GUCY2D: variants seen among roughly 807,000 people sequenced by gnomAD.
The protein encoded by GUCY2D is guanylate cyclase 2D, retinal.
GUCY2D carries 70 observed loss-of-function variants against 101.3 expected under a neutral mutation model. The observed-to-expected ratio is 0.69, with a 90% confidence interval of 0.57 to 0.84. The LOEUF is 0.84. Among genes scored for constraint, GUCY2D ranks in the 40% least tolerant of loss-of-function variants. GUCY2D has a pLI of 0.00. For missense variants in GUCY2D, 1,460 were observed against 1,542.5 expected (o/e 0.95, Z 0.90); for synonymous variants, 688 against 670.7 (o/e 1.03, Z -0.40).
Position 8,013,684 on chromosome 17 carries a change from G to A in GUCY2D, c.2264-196G>A, listed in dbSNP as rs542922281. On this transcript the variant is annotated intron_variant, in intron 11 of 19. Coordinates refer to ENST00000254854, the MANE Select transcript of GUCY2D (RefSeq NM_000180.4). This position sits in a 1 kb window ranked among gnomAD's most constrained non-coding sequence, Gnocchi z 5.0. ...CACCTCTTACTGACCCCCAGAGTTC[G>A]AGGTCCTCTTGTTCCTCCTAGCAAC... 519 of 611,954 alleles carry A rather than the reference G, an allele frequency of 8.5e-4. 8 individuals carry two copies. The South Asian group carries it at 9.3e-3, about 11-fold the overall frequency. 37.9% of individuals were successfully genotyped at this position (611,954 alleles called of 1,614,324 possible). A position where few individuals can be genotyped will look rare whatever the true frequency, so the allele number is the denominator to read the frequency against.
rs200700723 is a variant in GUCY2D at position 8,012,524 on chromosome 17, A to G, written c.2031A>G (p.Arg677=). 318 of 1,613,780 alleles carry G rather than the reference A, an allele frequency of 2.0e-4. No individual in the cohort carries two copies. Among genetic ancestry groups the G allele is most frequent in the Non-Finnish European group, 2.6e-4 (301 of 1,179,820 alleles). Residue 677 remains arginine (R), a synonymous_variant, in exon 10 of 20, where the codon AGA becomes AGG. Transcript: ENST00000254854. The part of the protein sequence containing the change: ...LKSRNCIVDG[R]FVLKITDHGH... ...CACGGAACTGCATAGTGGATGGCAG[A>G]TTCGTACTCAAGATCACTGACCACG...
At chr17:8,019,849 C>A (rs1252702276) in intron 19 of GUCY2D, among the ~76,000 whole-genome samples, 1 of 152,206 alleles carries the variant, frequency 6.6e-6, no homozygotes, top group Non-Finnish European at 1.5e-5. Flanking sequence ...GCCTGGGCAA[C>A]TCCCAGCGCA....
rs558182614 is a variant in GUCY2D, at chr17:8,003,980, G to T, written c.850G>T (p.Ala284Ser). ...VFLPFDTIHYALSPGPEALAA... is the reference protein window; with the variant it reads ...VFLPFDTIHYSLSPGPEALAA... ...CCTGCCCTTCGACACGATCCACTAC[G>T]CCTTGTCCCCAGGCCCGGAGGCCTT... The change falls in exon 3 of 20, where the codon GCC (alanine) becomes TCC (serine). Residue 284 changes from alanine to serine, a missense_variant. Around this residue, in one of 3 missense-constraint regions of GUCY2D, gnomAD observed 1,196 missense variants for 1,229.6 expected, o/e 0.97. Transcript: ENST00000254854. 1.2e-6 allele frequency: 2 copies of T among 1,613,666 alleles called. No individual in the cohort carries two copies. Among genetic ancestry groups the T allele is most frequent in the Non-Finnish European group, 8.5e-7 (1 of 1,179,922 alleles).
At chr17:8,005,860 GAGA>G (rs1276728427) in intron 3 of GUCY2D, among the ~76,000 whole-genome samples, 1 of 152,208 alleles carries the variant, frequency 6.6e-6, no homozygotes, top group Non-Finnish European at 1.5e-5. Flanking sequence ...GGTAACAATA[GAGA>G]AGGTTTTTTG....
chr17:8,006,641 C>T lies in GUCY2D; in HGVS notation c.1305C>T (p.His435=), dbSNP rs770719238. 6.2e-7 allele frequency: 1 copy of T among 1,612,868 alleles called. No individual in the cohort carries two copies. Among genetic ancestry groups the T allele is most frequent in the South Asian group, 1.1e-5 (1 of 90,774 alleles). ...GSFLSAGTRM[H]FPRGGSAPGP... ...TCCTCTCCGCCGGTACCCGGATGCA[C>T]TTCCCGCGTGGGGGATCAGCACCCG... Residue 435 remains histidine (H), a synonymous_variant, in exon 4 of 20, where the codon CAC becomes CAT. Transcript: ENST00000254854.
intron 5 of GUCY2D, 74 bp downstream of exon 5, chr17:8,007,218 T>TGG: frequency 1.7e-6 from 2 of 1,202,274 alleles, no homozygotes; most frequent in Non-Finnish European, 2.5e-6. Context: ...AACAGCAGGC[T>TGG]GGGTTCACTC....
Position 8,015,946 on chromosome 17 carries a change from C to T in GUCY2D, c.3063C>T (p.Asn1021=). 6.2e-7 allele frequency: 1 copy of T among 1,612,012 alleles called. No individual in the cohort carries two copies. Among genetic ancestry groups the T allele is most frequent in the Non-Finnish European group, 8.5e-7 (1 of 1,179,260 alleles). ...STGLPYRIHV[N]LSTVGILRAL... is the part of the protein sequence containing the mutation. The stretch of plus-strand genomic sequence containing the variant: ...CCACAGCTTACCGCATCCACGTGAA[C>T]TTGAGCACTGTGGGGATTCTCCGTG... The change falls in exon 17 of 20, where the codon AAC becomes AAT. Residue 1021 remains asparagine (N), a synonymous_variant. Coordinates refer to ENST00000254854, the MANE Select transcript of GUCY2D (RefSeq NM_000180.4).
chr17:8,016,176 A>G (rs1975969588), intron 17 of GUCY2D, 29 bp from the exon 18 acceptor site: 1 of 1,492,932 alleles, frequency 6.7e-7, no homozygotes, highest in Non-Finnish European at 9.2e-7. Flanking sequence ...CAGTCCGCCT[A>G]AGTCCTTCCC....
Position 8,015,506 on chromosome 17 carries a change from A to G in GUCY2D, c.2944+4A>G. ...ATCCGCATAGGCCTGCACTCGGGTA[A>G]CTCCCGGGTCTTCCCAGGCTCCAGC... On this transcript the variant is annotated splice_donor_region_variant and intron_variant, in intron 15 of 19. Coordinates refer to ENST00000254854, the MANE Select transcript of GUCY2D (RefSeq NM_000180.4). 6.2e-7 allele frequency: 1 copy of G among 1,609,118 alleles called. No individual in the cohort carries two copies. The highest frequency in any genetic ancestry group is 8.5e-7 in the Non-Finnish European group (1 of 1,178,236).
chr17:8,010,883 G>A (rs1455752271), intron 8 of GUCY2D, among the ~76,000 whole-genome samples: 1 of 151,964 alleles, frequency 6.6e-6, no homozygotes, highest in East Asian at 1.9e-4. Context: ...GCTAGAAAGG[G>A]CACCAGTCAG....
chr17:8,003,078 C>A lies in GUCY2D; in HGVS notation c.31C>A (p.Leu11Ile). Reference protein sequence around the residue: MTACARRAGGLPDPGLCGPAW... With the variant: MTACARRAGGIPDPGLCGPAW... ...CGCCTGCGCCCGCCGAGCGGGTGGG[C>A]TTCCGGACCCCGGGCTCTGCGGTCC... is the stretch of plus-strand genomic sequence containing the variant. Residue 11 changes from leucine to isoleucine, a missense_variant, in exon 2 of 20, where the codon CTT (leucine) becomes ATT (isoleucine). Physicochemically the swap from Leu to Ile is conservative, Grantham distance 5. This residue lies in a region of GUCY2D where 1,196 missense variants were observed against 1,229.6 expected (regional missense o/e 0.97). Coordinates refer to ENST00000254854, the MANE Select transcript of GUCY2D (RefSeq NM_000180.4). 2 of 1,526,176 alleles carry A rather than the reference C, an allele frequency of 1.3e-6. No individual in the cohort carries two copies. Among genetic ancestry groups the A allele is most frequent in the Non-Finnish European group, 1.7e-6 (2 of 1,143,158 alleles). 94.5% of individuals were successfully genotyped at this position (1,526,176 alleles called of 1,614,324 possible).
At chr17:8,004,907 A>G (rs9914686) in intron 3 of GUCY2D, among the ~76,000 whole-genome samples, 7,156 of 152,148 alleles carry the variant, frequency 0.047, 517 homozygotes, top group African/African-American at 0.15. Flanking sequence ...GAGGTGTCCA[A>G]TGGAGGGGGG....
At chr17:8,010,633 C>T (rs926065305) in intron 8 of GUCY2D, among the ~76,000 whole-genome samples, 1 of 151,674 alleles carries the variant, frequency 6.6e-6, no homozygotes, top group African/African-American at 2.4e-5. Flanking sequence ...GGTGAAACCC[C>T]GTCTCTACTA....
At chr17:8,006,259 G>A in intron 3 of GUCY2D, 104 bp from the exon 4 acceptor site, 1 of 840,158 alleles carries the variant, frequency 1.2e-6, no homozygotes, top group South Asian at 1.4e-5. Flanking sequence ...CAACTAACTG[G>A]AAGGTGGCAA....
Position 8,014,050 on chromosome 17 carries a change from A to G in GUCY2D, c.2412+22A>G, listed in dbSNP as rs748255432. ...CCTGGTCAGGGGCTGGGAGTGGGCA[A>G]GGACTGGGCTGGCCTCTGGGATCCC... On this transcript the variant is annotated intron_variant, in intron 12 of 19. Coordinates refer to ENST00000254854, the MANE Select transcript of GUCY2D (RefSeq NM_000180.4). This position sits in a 1 kb window ranked among gnomAD's most constrained non-coding sequence, Gnocchi z 4.0. The G allele has an allele frequency of 1.9e-6, 3 of 1,607,620 alleles. No individual in the cohort carries two copies. The Admixed American group carries it at 5.0e-5, about 27-fold the overall frequency.
rs1299729703 is a variant in GUCY2D at position 8,015,000 on chromosome 17, C to T, written c.2718C>T (p.Asn906=). 11 of 1,613,962 alleles carry T rather than the reference C, an allele frequency of 6.8e-6. No homozygotes were observed. The highest frequency in any genetic ancestry group is 5.0e-5 in the Admixed American group (3 of 60,002). ...CCATTGAGGTTGTGGACCTGCTCAA[C>T]GATCTCTACACACTCTTTGATGCCA... The part of the protein sequence containing the change: ...SEPIEVVDLL[N]DLYTLFDAII... The change falls in exon 14 of 20, where the codon AAC becomes AAT. Residue 906 remains asparagine (N), a synonymous_variant. Coordinates refer to ENST00000254854, the MANE Select transcript of GUCY2D (RefSeq NM_000180.4). This position sits in a 1 kb window ranked among gnomAD's most constrained non-coding sequence, Gnocchi z 4.0.
rs1220768873 is a variant in GUCY2D, at chr17:8,014,607, A to G, written c.2419A>G (p.Asn807Asp). 1 of 1,614,142 alleles carries G rather than the reference A, an allele frequency of 6.2e-7. No homozygotes were observed. Among genetic ancestry groups the G allele is most frequent in the Admixed American group, 1.7e-5 (1 of 60,024 alleles). The change falls in exon 13 of 20, where the codon AAC (asparagine) becomes GAC (aspartate). Residue 807 changes from asparagine to aspartate, a missense_variant. Asn to Asp is a conservative substitution (Grantham distance 23, BLOSUM62 1). This residue lies in a region of GUCY2D where 1,196 missense variants were observed against 1,229.6 expected (regional missense o/e 0.97). Coordinates refer to ENST00000254854, the MANE Select transcript of GUCY2D (RefSeq NM_000180.4). The surrounding 1 kb of genome is among the most constrained non-coding windows in gnomAD (Gnocchi z 4.0). The part of the protein sequence containing the change: ...SMDHTFDLFK[N>D]INKGRKTNII... ...AGCTTCCTTCTACTGCTAGTTCAAG[A>G]ACATCAACAAGGGCCGGAAGACGAA... is the stretch of plus-strand genomic sequence containing the variant.
Position 8,009,537 on chromosome 17 carries a change from G to A in GUCY2D, c.1700G>A (p.Gly567Glu), listed in dbSNP as rs546875049. 4.3e-6 allele frequency: 7 copies of A among 1,613,812 alleles called. No homozygotes were observed. In the African/African-American group the frequency reaches 8.0e-5, roughly 18 times the overall value. ...GDRVWLKKFP[G>E]DQHIAIRPAT... ...AGGGTTTGGCTGAAGAAATTCCCAG[G>A]GGATCAGCACATAGCTATCCGCCCA... Residue 567 changes from glycine to glutamate, a missense_variant, in exon 8 of 20, where the codon GGG becomes GAG. By Grantham distance (98) the Gly-to-Glu change is moderately conservative. Around this residue, in one of 3 missense-constraint regions of GUCY2D, gnomAD observed 1,196 missense variants for 1,229.6 expected, o/e 0.97. Coordinates refer to ENST00000254854, the MANE Select transcript of GUCY2D (RefSeq NM_000180.4).
chr17:8,006,486 G>A lies in GUCY2D; in HGVS notation c.1150G>A (p.Asp384Asn), dbSNP rs776737538. The A allele has an allele frequency of 3.7e-6, 6 of 1,607,928 alleles. No individual in the cohort carries two copies. The highest frequency in any genetic ancestry group is 5.1e-6 in the Non-Finnish European group (6 of 1,179,970). Residue 384 changes from aspartate (D) to asparagine (N), a missense_variant, in exon 4 of 20, where the codon GAT becomes AAT. By Grantham distance (23) the Asp-to-Asn change is conservative. Transcript: ENST00000254854. Reference protein sequence around the residue: ...SGAAVARHIRDAQVPGFCGDL... With the variant: ...SGAAVARHIRNAQVPGFCGDL... The stretch of plus-strand genomic sequence containing the variant: ...AGCAGCTGTGGCCCGCCACATCCGG[G>A]ATGCGCAGGTCCCTGGCTTCTGCGG...
Sources: allele counts gnomAD v4.1 joint callset (sites outside exome capture counted in the v4.1 genomes callset), GRCh38; gene constraint gnomAD v4.1.1; regional missense constraint gnomAD v4.1.1; non-coding constraint Gnocchi (gnomAD v3.1); transcripts MANE v1.5; gene names NCBI Gene and HGNC (gene_info 2026-07-23, HGNC 2026-07-21).